The following KCNC2 variants were observed in gnomAD, a reference collection of about 807,000 sequenced individuals.
KCNC2 encodes potassium voltage-gated channel subfamily C member 2.
A neutral mutation model predicts 44.5 loss-of-function variants in KCNC2; 21 were observed. The observed-to-expected ratio is 0.47, with a 90% CI of 0.33 to 0.68. The LOEUF (loss-of-function observed/expected upper bound fraction) is 0.68, where lower values mean the gene tolerates loss of function less well. KCNC2 is among the 30% of genes least tolerant of loss of function. KCNC2 has a pLI of 0.01. For synonymous variants in KCNC2, 391 were observed against 339.1 expected (o/e 1.15, Z -1.68); for missense variants, 589 against 826.2 (o/e 0.71, Z 3.52).
chr12:75,086,699 T>TATATATATATATAC (rs1339170718), intron 2 of KCNC2, among the ~76,000 whole-genome samples: 27 of 138,774 alleles, frequency 1.9e-4, no homozygotes, highest in African/African-American at 5.3e-4. Context: ...TATATATATA[T>TATATATATATATAC]ACACACACAT....
At chr12:75,076,578 C>G (rs1044836594) in intron 2 of KCNC2, among the ~76,000 whole-genome samples, 3 of 152,072 alleles carry the variant, frequency 2.0e-5, no homozygotes, top group Admixed American at 6.6e-5. Context: ...GGCCTCAGAA[C>G]CTCTTTATAT....
intron 2 of KCNC2, among the ~76,000 whole-genome samples, chr12:75,121,971 T>C (rs1362891726): frequency 6.6e-6 from 1 of 152,104 alleles, no homozygotes; most frequent in African/African-American, 2.4e-5. Context: ...CAGTGTCAAG[T>C]GTGAGTGATA....
chr12:75,057,505 C>T (rs1881872236), intron 2 of KCNC2, among the ~76,000 whole-genome samples: 1 of 151,782 alleles, frequency 6.6e-6, no homozygotes. Context: ...AAAACAGATC[C>T]ACAAACATTA....
At chr12:75,196,808 T>C (rs77201806) in intron 2 of KCNC2, among the ~76,000 whole-genome samples, 1,619 of 152,118 alleles carry the variant, frequency 0.011, 9 homozygotes, top group Non-Finnish European at 0.017. Context: ...AAAAAACAAC[T>C]ATATAACTTT....
chr12:75,182,257 G>A (rs1273406883), intron 2 of KCNC2, among the ~76,000 whole-genome samples: 1 of 151,504 alleles, frequency 6.6e-6, no homozygotes, highest in Non-Finnish European at 1.5e-5. Context: ...CGGGGGTGGT[G>A]GCTCACGCCT....
At chr12:75,066,585 G>A (rs1234810712) in intron 2 of KCNC2, among the ~76,000 whole-genome samples, 1 of 152,116 alleles carries the variant, frequency 6.6e-6, no homozygotes, top group East Asian at 1.9e-4. Flanking sequence ...TATATTTCAT[G>A]GGCTAAACTT....
At position 75,042,529 on chromosome 12, in the gene KCNC2, T is replaced by C; in HGVS notation, c.*576A>G. 1 of 1,422,794 alleles carries C rather than the reference T, an allele frequency of 7.0e-7. No homozygotes were observed. The highest frequency in any genetic ancestry group is 9.2e-7 in the Non-Finnish European group (1 of 1,092,684). 88.1% of individuals were successfully genotyped at this position (1,422,794 alleles called of 1,614,324 possible). A position where few individuals can be genotyped will look rare whatever the true frequency, so the allele number is the denominator to read the frequency against. ...AAAAGTGCCCTCCCTGCCCCACAATTCAACATGCAGAACAGTCGACCAATG... is the reference window on the plus strand; with the variant it reads ...AAAAGTGCCCTCCCTGCCCCACAATCCAACATGCAGAACAGTCGACCAATG... On this transcript the variant is annotated 3_prime_UTR_variant, in exon 5 of 5. Coordinates refer to ENST00000549446, the MANE Select transcript of KCNC2 (RefSeq NM_139137.4).
At position 75,042,452 on chromosome 12, in the gene KCNC2, A is replaced by T. The variant is rs1390241423; in HGVS notation, c.*653T>A. On this transcript the variant is annotated 3_prime_UTR_variant, in exon 5 of 5. Transcript: ENST00000549446. ...AAAAGTAAATCAATCAAGAAATTAA[A>T]CTATTTAAAACATATATTTCTTTCA... The T allele has an allele frequency of 1.3e-6, 2 of 1,538,648 alleles. No homozygotes were observed. Among genetic ancestry groups the T allele is most frequent in the African/African-American group, 2.8e-5 (2 of 70,948 alleles).
intron 2 of KCNC2, among the ~76,000 whole-genome samples, chr12:75,159,500 T>C (rs1483263805): frequency 2.6e-5 from 4 of 151,774 alleles, no homozygotes; most frequent in African/African-American, 9.7e-5. Flanking sequence ...ATTATATCAG[T>C]AAATAATTAA....
chr12:75,085,590 G>C (rs1011614615), intron 2 of KCNC2, among the ~76,000 whole-genome samples: 2 of 151,992 alleles, frequency 1.3e-5, no homozygotes, highest in Non-Finnish European at 2.9e-5. Flanking sequence ...GCTCTTAACT[G>C]CTATAGGCGG....
chr12:75,086,622 C>A (rs1885017752), intron 2 of KCNC2, among the ~76,000 whole-genome samples: 1 of 138,076 alleles, frequency 7.2e-6, no homozygotes, highest in South Asian at 2.3e-4. Context: ...ACCTTCAAGC[C>A]AGTAGAATGT....
intron 2 of KCNC2, among the ~76,000 whole-genome samples, chr12:75,160,400 T>C (rs776552611): frequency 5.9e-5 from 9 of 151,776 alleles, no homozygotes; most frequent in Non-Finnish European, 1.2e-4. Context: ...AGCAAACTAA[T>C]ACAGTTAGAA....
intron 2 of KCNC2, among the ~76,000 whole-genome samples, chr12:75,200,682 A>G (rs2137777947): frequency 6.6e-6 from 1 of 151,430 alleles, no homozygotes; most frequent in Admixed American, 6.6e-5. Flanking sequence ...TATACACTAT[A>G]CATACACATT....
chr12:75,183,337 C>T (rs749039668), intron 2 of KCNC2, among the ~76,000 whole-genome samples: 1 of 152,174 alleles, frequency 6.6e-6, no homozygotes, highest in African/African-American at 2.4e-5. Context: ...CGAAGACGTG[C>T]TTCTACAACC....
In KCNC2 at chr12:75,194,199, A is replaced by C. The variant is rs537981633; in HGVS notation, c.687+13098T>G. Among the ~76,000 whole-genome samples, 56 of 152,266 alleles carry C rather than the reference A, an allele frequency of 3.7e-4. 1 individual carries two copies. Among genetic ancestry groups the C allele is most frequent in the Admixed American group, 2.6e-3 (39 of 15,282 alleles). ...TTTTAGCTAATTTAACAATTAGTTA[A>C]ATCAAAATGGAGCCATGCTGGGCTA... On this transcript the variant is annotated intron_variant, in intron 2 of 4. Coordinates refer to ENST00000549446, the MANE Select transcript of KCNC2 (RefSeq NM_139137.4).
chr12:75,048,417 T>C (rs1233172032), intron 3 of KCNC2, 100 bp from the exon 4 acceptor site: 3 of 875,626 alleles, frequency 3.4e-6, no homozygotes, highest in South Asian at 2.2e-5. Flanking sequence ...TCACTCGATA[T>C]ACAACACACA....
chr12:75,199,161 G>GA (rs111391950), intron 2 of KCNC2, among the ~76,000 whole-genome samples: 29 of 151,804 alleles, frequency 1.9e-4, no homozygotes, highest in African/African-American at 7.0e-4. Context: ...CTAAATTACA[G>GA]AAAAAACTGT....
chr12:75,132,805 T>A (rs1277526480), intron 2 of KCNC2, among the ~76,000 whole-genome samples: 7 of 152,146 alleles, frequency 4.6e-5, no homozygotes, highest in Non-Finnish European at 1.0e-4. Flanking sequence ...TTAAATCAAA[T>A]TTAAGTGATT....
chr12:75,092,474 G>A (rs186213168), intron 2 of KCNC2, among the ~76,000 whole-genome samples: 1 of 151,468 alleles, frequency 6.6e-6, no homozygotes, highest in African/African-American at 2.4e-5. Context: ...AACACTCTCT[G>A]GGGGAATAAA....
Sources: allele counts gnomAD v4.1 joint callset (sites outside exome capture counted in the v4.1 genomes callset), GRCh38; gene constraint gnomAD v4.1.1; transcripts MANE v1.5; gene names NCBI Gene and HGNC (gene_info 2026-07-23, HGNC 2026-07-21).